The following SUGCT variants were observed in gnomAD, a reference collection of about 807,000 sequenced individuals.
The protein encoded by SUGCT is succinyl-CoA:glutarate CoA-transferase.
SUGCT carries 41 observed loss-of-function variants against 55.0 expected under a neutral mutation model. That is an observed-to-expected ratio of 0.74 (90% CI 0.58 to 0.97). SUGCT has a LOEUF of 0.97. SUGCT is among the 50% of genes least tolerant of loss of function. The pLI, the probability that SUGCT is intolerant of heterozygous loss-of-function variation, is 0.00. For synonymous variants in SUGCT, 187 were observed against 200.4 expected (o/e 0.93, Z 0.56); for missense variants, 568 against 547.8 (o/e 1.04, Z -0.37).
At chr7:40,292,181 G>A (rs1793831186) in intron 8 of SUGCT, among the ~76,000 whole-genome samples, 1 of 152,128 alleles carries the variant, frequency 6.6e-6, no homozygotes, top group Admixed American at 6.5e-5. Flanking sequence ...GTCTTTATCA[G>A]TTCTGATTCA....
the SUGCT span, among the ~76,000 whole-genome samples, chr7:40,923,326 T>C: frequency 3.9e-4 from 59 of 152,296 alleles, no homozygotes; most frequent in Non-Finnish European, 6.5e-4. Context: ...ACATTTATTC[T>C]GAAAAAATGC....
chr7:40,929,199 T>G, the SUGCT span, among the ~76,000 whole-genome samples: 32 of 152,308 alleles, frequency 2.1e-4, no homozygotes, highest in African/African-American at 7.2e-4. Context: ...TTGTGATAGT[T>G]TGCTGAGAAT....
intron 9 of SUGCT, among the ~76,000 whole-genome samples, chr7:40,419,614 C>G (rs867618106): frequency 7.2e-5 from 11 of 152,230 alleles, no homozygotes; most frequent in African/African-American, 2.6e-4. Flanking sequence ...TGAATCCGTT[C>G]AAGAGCGTGC....
chr7:40,391,192 C>T (rs1245812268), intron 9 of SUGCT, among the ~76,000 whole-genome samples: 2 of 152,124 alleles, frequency 1.3e-5, no homozygotes, highest in African/African-American at 4.8e-5. Context: ...TAGAAGAAAA[C>T]GTAGGCAATA....
At position 40,494,395 on chromosome 7, in the gene SUGCT, G is replaced by A. The variant is rs955805361; in HGVS notation, c.987-1889G>A. ...TATATATTTTAGGAGGCCTTGGCCA[G>A]GAGATGACTGGAACAGTCATTGAAA... On this transcript the variant is annotated intron_variant, in intron 11 of 13. Coordinates refer to ENST00000335693, the MANE Select transcript of SUGCT (RefSeq NM_001193313.2). Among the ~76,000 whole-genome samples, 4 of 152,214 alleles carry A rather than the reference G, an allele frequency of 2.6e-5. No individual in the cohort carries two copies. The South Asian group carries it at 6.2e-4, about 24-fold the overall frequency.
At position 40,135,066 on chromosome 7, in the gene SUGCT, C is replaced by G; in HGVS notation, c.46C>G (p.Leu16Val). 1.3e-6 allele frequency: 2 copies of G among 1,561,328 alleles called. No individual in the cohort carries two copies. The highest frequency in any genetic ancestry group is 1.7e-6 in the Non-Finnish European group (2 of 1,154,080). ...GGTGGCAGCTCTGCGCAGAACCTGC[C>G]TCTTCTCCGGCCGGGGCGGCGGGAG... ...ARVAALRRTC[L>V]FSGRGGGRGL... Residue 16 changes from leucine to valine, a missense_variant, in exon 1 of 14, where the codon CTC (leucine) becomes GTC (valine). Transcript: ENST00000335693.
At chr7:40,347,178 T>C (rs1797361792) in intron 9 of SUGCT, among the ~76,000 whole-genome samples, 1 of 152,134 alleles carries the variant, frequency 6.6e-6, no homozygotes, top group Non-Finnish European at 1.5e-5. Context: ...TAAAGGCACT[T>C]CTGCTGAAGG....
the SUGCT span, among the ~76,000 whole-genome samples, chr7:40,956,069 G>A: frequency 1.3e-5 from 2 of 152,102 alleles, no homozygotes; most frequent in African/African-American, 2.4e-5. Context: ...TGTTCATCAG[G>A]GATATTGGCC....
At chr7:40,694,621 T>A (rs1784843403) in intron 12 of SUGCT, among the ~76,000 whole-genome samples, 1 of 152,230 alleles carries the variant, frequency 6.6e-6, no homozygotes, top group South Asian at 2.1e-4. Context: ...TGATTCACGT[T>A]GTTAGTGAAC....
the SUGCT span, among the ~76,000 whole-genome samples, chr7:41,000,341 A>G: frequency 6.6e-6 from 1 of 152,172 alleles, no homozygotes; most frequent in Non-Finnish European, 1.5e-5. Flanking sequence ...GGAGTTTGCA[A>G]TCTGGTTGAT....
chr7:40,680,573 T>C (rs1055224605), intron 12 of SUGCT, among the ~76,000 whole-genome samples: 3 of 152,186 alleles, frequency 2.0e-5, no homozygotes, highest in Admixed American at 6.5e-5. Context: ...AAGGTAATTA[T>C]ACTCTACTCA....
the SUGCT span, among the ~76,000 whole-genome samples, chr7:40,907,603 C>A: frequency 6.6e-6 from 1 of 152,162 alleles, no homozygotes. Flanking sequence ...CATTTCACAG[C>A]TGAAAAAACT....
chr7:40,373,752 G>A (rs184138457), intron 9 of SUGCT, among the ~76,000 whole-genome samples: 1 of 152,044 alleles, frequency 6.6e-6, no homozygotes, highest in African/African-American at 2.4e-5. Flanking sequence ...AATTTATTTT[G>A]GACTGTACTT....
chr7:40,955,176 A>C, the SUGCT span, among the ~76,000 whole-genome samples: 2 of 152,218 alleles, frequency 1.3e-5, no homozygotes, highest in African/African-American at 4.8e-5. Flanking sequence ...TCTGTGAAGA[A>C]AGTCAATAGT....
intron 13 of SUGCT, among the ~76,000 whole-genome samples, chr7:40,806,184 C>T (rs141670526): frequency 1.1e-4 from 17 of 152,188 alleles, no homozygotes; most frequent in African/African-American, 3.1e-4. Flanking sequence ...TAAAAAGGGG[C>T]GATGTCTAAA....
chr7:40,152,276 A>G (rs1788614694), intron 1 of SUGCT, among the ~76,000 whole-genome samples: 1 of 152,224 alleles, frequency 6.6e-6, no homozygotes, highest in African/African-American at 2.4e-5. Flanking sequence ...TCAAAGTTCA[A>G]CTTTAAGTTC....
At chr7:40,910,546 A>G in the SUGCT span, among the ~76,000 whole-genome samples, 9 of 152,272 alleles carry the variant, frequency 5.9e-5, no homozygotes, top group African/African-American at 2.2e-4. Flanking sequence ...TGGCAGTTAG[A>G]AGGGAAGTAA....
In SUGCT at chr7:40,248,886, T is replaced by TTG. The variant is rs1554296235; in HGVS notation, c.576+11160_576+11161insTG. ...GGCTCTTTCCAGCGCGCGCGCGCGC[T>TTG]CGCACACACACACACACACACACGC... On this transcript the variant is annotated intron_variant, in intron 7 of 13. Coordinates refer to ENST00000335693, the MANE Select transcript of SUGCT (RefSeq NM_001193313.2). Among the ~76,000 whole-genome samples, 5 of 111,046 alleles carry TTG rather than the reference T, an allele frequency of 4.5e-5. No homozygotes were observed. The East Asian group carries it at 7.6e-4, about 17-fold the overall frequency. The allele number at this position is 111,046 out of a possible 152,430, so 72.9% of individuals were successfully genotyped here. A position where few individuals can be genotyped will look rare whatever the true frequency, so the allele number is the denominator to read the frequency against.
At chr7:40,461,025 C>A (rs1251221564) in intron 11 of SUGCT, among the ~76,000 whole-genome samples, 1 of 152,148 alleles carries the variant, frequency 6.6e-6, no homozygotes, top group African/African-American at 2.4e-5. Context: ...TTTGTGCTCT[C>A]TTCTGCTAGT....
Sources: allele counts gnomAD v4.1 joint callset (sites outside exome capture counted in the v4.1 genomes callset), GRCh38; gene constraint gnomAD v4.1.1; transcripts MANE v1.5; gene names NCBI Gene and HGNC (gene_info 2026-07-23, HGNC 2026-07-21).